The following PLCB4 variants were observed in gnomAD, a reference collection of about 807,000 sequenced individuals.
PLCB4 encodes the protein phospholipase C beta 4.
Under a neutral mutation model 178.8 loss-of-function variants are expected in PLCB4, and 77 were observed. The ratio of observed to expected loss-of-function variants is 0.43; its 90% CI spans 0.36 to 0.52. PLCB4 has a LOEUF of 0.52. Among genes scored for constraint, PLCB4 ranks in the 20% least tolerant of loss-of-function variants. The pLI, the probability that PLCB4 is intolerant of heterozygous loss-of-function variation, is 0.00. For synonymous variants in PLCB4, 496 were observed against 490.8 expected (o/e 1.01, Z -0.14); for missense variants, 1,024 against 1,453.4 (o/e 0.70, Z 4.80).
At chr20:9,277,718 G>A (rs2094462030) in intron 3 of PLCB4, among the ~76,000 whole-genome samples, 1 of 151,916 alleles carries the variant, frequency 6.6e-6, no homozygotes, top group Non-Finnish European at 1.5e-5. Flanking sequence ...AGGGAGGAGA[G>A]AAGGGACATA....
At chr20:9,350,510 A>G (rs986181702) in intron 7 of PLCB4, among the ~76,000 whole-genome samples, 1 of 151,996 alleles carries the variant, frequency 6.6e-6, no homozygotes, top group Non-Finnish European at 1.5e-5. Flanking sequence ...CTAGATCCTG[A>G]ATTCTACCAC....
chr20:9,143,834 T>C (rs73609439), intron 2 of PLCB4, among the ~76,000 whole-genome samples: 4,024 of 152,200 alleles, frequency 0.026, 166 homozygotes, highest in African/African-American at 0.09. Flanking sequence ...TTTGTGGGAA[T>C]CCTGGTGGCT....
chr20:9,391,133 A>G (rs561151604), intron 17 of PLCB4, among the ~76,000 whole-genome samples: 2 of 152,344 alleles, frequency 1.3e-5, no homozygotes, highest in East Asian at 3.9e-4. Flanking sequence ...CCTAACTCCA[A>G]AATAAATCAC....
At chr20:9,285,713 C>T (rs2094530862) in intron 3 of PLCB4, among the ~76,000 whole-genome samples, 1 of 151,782 alleles carries the variant, frequency 6.6e-6, no homozygotes, top group Non-Finnish European at 1.5e-5. Flanking sequence ...ACAAAATAAG[C>T]AAAAAAGTTG....
At chr20:9,374,797 G>C (rs1050128675) in intron 12 of PLCB4, among the ~76,000 whole-genome samples, 4 of 152,034 alleles carry the variant, frequency 2.6e-5, no homozygotes, top group Admixed American at 1.3e-4. Flanking sequence ...GTAATTCTTA[G>C]ACATAACATT....
intron 28 of PLCB4, among the ~76,000 whole-genome samples, chr20:9,432,570 A>G (rs144118941): frequency 2.0e-5 from 3 of 152,348 alleles, no homozygotes; most frequent in Middle Eastern, 3.4e-3. Flanking sequence ...AGAAAAGTTT[A>G]ATGGATACAA....
chr20:9,080,614 C>T (rs1428363919), intron 1 of PLCB4, among the ~76,000 whole-genome samples: 1 of 152,210 alleles, frequency 6.6e-6, no homozygotes, highest in Non-Finnish European at 1.5e-5. Context: ...CTCTTCATTA[C>T]TTAGCCCTTA....
At chr20:9,448,669 T>C (rs551340217) in intron 32 of PLCB4, among the ~76,000 whole-genome samples, 47 of 152,052 alleles carry the variant, frequency 3.1e-4, no homozygotes, top group Non-Finnish European at 6.0e-4. Context: ...CAGCGTTTTA[T>C]GTGTGGCCCA....
rs1461571351 is a variant in PLCB4, at chr20:9,280,364, T to C, written c.-15-27436T>C. ...AAAACACTGGCTCTTCACATTGGAT[T>C]TCCAAGTTGGGAAGAGAAGGCAGGA... is the stretch of plus-strand genomic sequence containing the variant. On this transcript the variant is annotated intron_variant, in intron 3 of 39. Transcript: ENST00000378473. The C allele has an allele frequency of 4.4e-6, 3 of 682,416 alleles. No individual in the cohort carries two copies. In the African/African-American group the frequency reaches 5.8e-5, roughly 13 times the overall value. 42.3% of individuals were successfully genotyped at this position (682,416 alleles called of 1,614,324 possible). A position where few individuals can be genotyped will look rare whatever the true frequency, so the allele number is the denominator to read the frequency against.
At chr20:9,335,482 T>C (rs2032322671) in intron 4 of PLCB4, among the ~76,000 whole-genome samples, 1 of 152,158 alleles carries the variant, frequency 6.6e-6, no homozygotes, top group Admixed American at 6.6e-5. Flanking sequence ...TGTCCAAAAA[T>C]GCCATTTTGA....
chr20:9,431,654 G>T (rs1328657331), intron 28 of PLCB4, among the ~76,000 whole-genome samples: 1 of 112,982 alleles, frequency 8.9e-6, no homozygotes, highest in African/African-American at 4.1e-5. Flanking sequence ...GTGTGTTTGT[G>T]TGTGTGTGTG....
At chr20:9,351,648 G>A (rs771264892) in intron 7 of PLCB4, among the ~76,000 whole-genome samples, 4 of 152,108 alleles carry the variant, frequency 2.6e-5, no homozygotes, top group Non-Finnish European at 5.9e-5. Flanking sequence ...CAAGCCCACC[G>A]ATTTAGATTC....
intron 1 of PLCB4, among the ~76,000 whole-genome samples, chr20:9,087,296 A>G (rs6039383): frequency 1.8e-4 from 28 of 152,218 alleles, no homozygotes; most frequent in African/African-American, 6.5e-4. Context: ...AAGTCACAAG[A>G]CTTATTTTAT....
At chr20:9,449,498 C>T (rs549141583) in intron 32 of PLCB4, among the ~76,000 whole-genome samples, 4 of 152,212 alleles carry the variant, frequency 2.6e-5, no homozygotes, top group Admixed American at 6.5e-5. Context: ...ATGGGTCAGT[C>T]GTGTCCTCTT....
At chr20:9,411,143 C>T in intron 25 of PLCB4, 55 bp downstream of exon 25, 1 of 1,169,224 alleles carries the variant, frequency 8.6e-7, no homozygotes, top group East Asian at 2.4e-5. Context: ...CATACTACAG[C>T]TCTAATGAAG....
chr20:9,334,632 G>T (rs1346731522), intron 4 of PLCB4, among the ~76,000 whole-genome samples: 1 of 152,166 alleles, frequency 6.6e-6, no homozygotes, highest in Non-Finnish European at 1.5e-5. Flanking sequence ...AGACATGGAA[G>T]TTGCGAACCA....
chr20:9,386,766 G>A (rs994046685), intron 14 of PLCB4, among the ~76,000 whole-genome samples: 13 of 150,166 alleles, frequency 8.7e-5, no homozygotes, highest in Admixed American at 1.3e-4. Flanking sequence ...CCATTAACTC[G>A]TCATTTAGCA....
Position 9,444,186 on chromosome 20 carries a change from G to C in PLCB4, c.2823G>C (p.Leu941Phe). 3.7e-6 allele frequency: 6 copies of C among 1,601,626 alleles called. No homozygotes were observed. The highest frequency in any genetic ancestry group is 4.3e-6 in the Non-Finnish European group (5 of 1,170,080). Residue 941 changes from leucine (L) to phenylalanine (F), a missense_variant, in exon 32 of 40, where the codon TTG (leucine) becomes TTC (phenylalanine). By Grantham distance (22) the Leu-to-Phe change is conservative (BLOSUM62 0). Coordinates refer to ENST00000378473, the MANE Select transcript of PLCB4 (RefSeq NM_001377142.1). ...IEDLKQMKAYLKHLKKQQKEL... is the reference protein window; with the variant it reads ...IEDLKQMKAYFKHLKKQQKEL... ...CTATTTTTCTCCCAAAGGCTTACTTGAAGCATTTAAAGAAACAGCAGAAGG... is the reference window on the plus strand; with the variant it reads ...CTATTTTTCTCCCAAAGGCTTACTTCAAGCATTTAAAGAAACAGCAGAAGG...
intron 34 of PLCB4, 97 bp downstream of exon 34, chr20:9,457,586 C>CGAATATAA: frequency 1.4e-6 from 1 of 732,950 alleles, no homozygotes. Context: ...AACAGTAGCC[C>CGAATATAA]AGAGCTGGTC....
Sources: gnomAD v4.1 joint callset for allele counts (sites outside exome capture counted in the v4.1 genomes callset) on GRCh38, gnomAD v4.1.1 for gene constraint, MANE v1.5 for transcripts, NCBI Gene and HGNC (gene_info 2026-07-23, HGNC 2026-07-21) for gene names.